The following MED12L variants were observed in gnomAD, a reference collection of about 807,000 sequenced individuals.
The protein encoded by MED12L is mediator of RNA polymerase II transcription subunit 12-like protein.
In MED12L, 60 loss-of-function variants were observed where a neutral mutation model predicts 281.3. The observed-to-expected ratio is 0.21, with a 90% confidence interval of 0.17 to 0.26. The LOEUF is 0.26. Ranked by LOEUF, MED12L falls within the 10% of genes least tolerant of loss-of-function variation. The probability of loss-of-function intolerance (pLI) is 1.00; values close to 1 mark genes in which losing one functional copy is unlikely to be tolerated. For synonymous variants in MED12L, 974 were observed against 987.2 expected, an observed-to-expected ratio of 0.99 and a Z score of 0.25; for missense variants, 2,146 against 2,680.9, an observed-to-expected ratio of 0.80 and a Z score of 4.41.
intron 16 of MED12L, among the ~76,000 whole-genome samples, chr3:151,298,118 A>G (rs180745159): frequency 6.6e-6 from 1 of 152,324 alleles, no homozygotes; most frequent in East Asian, 1.9e-4. Context: ...AATTAAGTTT[A>G]TATCACATTC....
At chr3:151,343,272 A>G (rs986803746) in intron 16 of MED12L, among the ~76,000 whole-genome samples, 2 of 152,242 alleles carry the variant, frequency 1.3e-5, no homozygotes, top group African/African-American at 4.8e-5. Flanking sequence ...TAACAAATCA[A>G]TCTGCCATAT....
intron 39 of MED12L, among the ~76,000 whole-genome samples, chr3:151,395,272 T>C (rs945768371): frequency 6.6e-6 from 1 of 152,222 alleles, no homozygotes; most frequent in Non-Finnish European, 1.5e-5. Context: ...TGTGAGGTTA[T>C]GTCTCTGAAG....
chr3:151,212,595 A>G (rs1727350829), intron 16 of MED12L: 1 of 152,134 alleles, frequency 6.6e-6, no homozygotes, highest in Non-Finnish European at 1.5e-5. Context: ...TTCTAACACC[A>G]GAACCCCAGG....
At chr3:151,348,525 C>A (rs182026123) in intron 16 of MED12L, among the ~76,000 whole-genome samples, 5 of 151,048 alleles carry the variant, frequency 3.3e-5, no homozygotes, top group African/African-American at 1.2e-4. Context: ...GAGAGGTACT[C>A]AGGATATTAA....
intron 31 of MED12L, among the ~76,000 whole-genome samples, chr3:151,379,156 G>T (rs957897400): frequency 6.6e-6 from 1 of 152,132 alleles, no homozygotes; most frequent in Non-Finnish European, 1.5e-5. Context: ...TACCATGTTG[G>T]CCAGGATTAA....
At chr3:151,402,977 TG>T (rs1715866475) in intron 39 of MED12L, among the ~76,000 whole-genome samples, 1 of 152,058 alleles carries the variant, frequency 6.6e-6, no homozygotes, top group Non-Finnish European at 1.5e-5. Context: ...GACAACATAA[TG>T]GTAACACCCC....
chr3:151,124,793 C>T (rs1161444723), intron 4 of MED12L, among the ~76,000 whole-genome samples: 1 of 152,168 alleles, frequency 6.6e-6, no homozygotes, highest in Non-Finnish European at 1.5e-5. Flanking sequence ...AACTCAATCA[C>T]AATTGTAGAT....
chr3:151,337,447 C>T (rs1224651598), intron 16 of MED12L: 1 of 210,364 alleles, frequency 4.8e-6, no homozygotes, highest in Non-Finnish European at 9.7e-6. Context: ...ATCGTTCTTC[C>T]TTAGTTGATT....
At chr3:151,303,642 A>G (rs572497868) in intron 16 of MED12L, among the ~76,000 whole-genome samples, 2 of 152,310 alleles carry the variant, frequency 1.3e-5, no homozygotes, top group South Asian at 4.1e-4. Context: ...GTGCACCTGT[A>G]ATCCCAGCTA....
intron 16 of MED12L, among the ~76,000 whole-genome samples, chr3:151,210,795 A>G (rs541931628): frequency 6.6e-6 from 1 of 152,308 alleles, no homozygotes; most frequent in East Asian, 1.9e-4. Flanking sequence ...GAAATAATTG[A>G]CTAGAGCTGA....
chr3:151,202,868 C>A (rs897481940), intron 16 of MED12L, among the ~76,000 whole-genome samples: 1 of 152,132 alleles, frequency 6.6e-6, no homozygotes, highest in African/African-American at 2.4e-5. Context: ...TATGCTCGCT[C>A]AGGTATTCAG....
At chr3:151,381,772 A>G (rs538698409) in intron 32 of MED12L, among the ~76,000 whole-genome samples, 1 of 152,214 alleles carries the variant, frequency 6.6e-6, no homozygotes, top group Middle Eastern at 3.4e-3. Flanking sequence ...TTAGTTAACT[A>G]CCTTGCCCCC....
intron 42 of MED12L, among the ~76,000 whole-genome samples, chr3:151,414,597 A>G (rs1320652988): frequency 6.6e-6 from 1 of 152,212 alleles, no homozygotes; most frequent in Non-Finnish European, 1.5e-5. Flanking sequence ...GGTAGTGCCC[A>G]GGTGACAGGC....
chr3:151,253,957 G>T, intron 16 of MED12L, among the ~76,000 whole-genome samples: 1 of 149,770 alleles, frequency 6.7e-6, no homozygotes, highest in South Asian at 2.1e-4. Context: ...TCCAAGGAAT[G>T]GATACATTTG....
chr3:151,145,017 C>A (rs747205), intron 5 of MED12L, among the ~76,000 whole-genome samples: 45,573 of 151,832 alleles, frequency 0.3, 8,685 homozygotes, highest in African/African-American at 0.54. Flanking sequence ...TCTGGGCCCT[C>A]GCTCTGTGCC....
chr3:151,300,842 G>A (rs1745818279), intron 16 of MED12L, among the ~76,000 whole-genome samples: 1 of 152,212 alleles, frequency 6.6e-6, no homozygotes, highest in Non-Finnish European at 1.5e-5. Flanking sequence ...AGGAGTATGT[G>A]TAAGAGTTTG....
intron 16 of MED12L, among the ~76,000 whole-genome samples, chr3:151,307,932 A>G (rs1746935555): frequency 6.6e-6 from 1 of 152,148 alleles, no homozygotes. Flanking sequence ...GCAGCTGTTA[A>G]GTTTTTGGCT....
At position 151,135,712 on chromosome 3, in the gene MED12L, A is replaced by G. The variant is rs368777309; in HGVS notation, c.556+7728A>G. On this transcript the variant is annotated intron_variant, in intron 5 of 44. Transcript: ENST00000687756. ...GCCACTGGAGGCAACAAGCATCTCT[A>G]GGTGGAAAGATGCTGGCAGGAAGCA... Among the ~76,000 whole-genome samples, 13 of 152,246 alleles carry G rather than the reference A, an allele frequency of 8.5e-5. No individual in the cohort carries two copies. The East Asian group carries it at 1.4e-3, about 16-fold the overall frequency.
chr3:151,120,998 A>G (rs1713665992), intron 3 of MED12L, among the ~76,000 whole-genome samples: 1 of 152,242 alleles, frequency 6.6e-6, no homozygotes, highest in Non-Finnish European at 1.5e-5. Context: ...GAATATAATT[A>G]TAAAATAGAT....
Sources: allele counts gnomAD v4.1 joint callset (sites outside exome capture counted in the v4.1 genomes callset), GRCh38; gene constraint gnomAD v4.1.1; transcripts MANE v1.5; gene names NCBI Gene and HGNC (gene_info 2026-07-23, HGNC 2026-07-21).